Variants in ZNF488 observed in about 807,000 individuals in gnomAD.
ZNF488 encodes the protein zinc finger protein 488.
Under a neutral mutation model 1.2 loss-of-function variants are expected in ZNF488, and 1 was observed. The ratio of observed to expected loss-of-function variants is 0.86; its 90% confidence interval spans 0.30 to 4.07. ZNF488 has a LOEUF of 4.07. Ranked by LOEUF, ZNF488 falls within the 30% of genes most tolerant of loss-of-function variation. ZNF488 has a pLI of 0.18. For missense variants in ZNF488, 450 were observed against 437.9 expected (o/e 1.03, Z -0.25); for synonymous variants, 185 against 190.1 (o/e 0.97, Z 0.22).
chr10:47,379,934 G>T (rs887593021), intron 1 of ZNF488, among the ~76,000 whole-genome samples: 2 of 152,278 alleles, frequency 1.3e-5, no homozygotes, highest in Non-Finnish European at 2.9e-5. Context: ...GCTTTCCTCC[G>T]GGAACCTGCC....
At chr10:47,373,116 C>T (rs1287820046) in intron 1 of ZNF488, among the ~76,000 whole-genome samples, 3 of 152,180 alleles carry the variant, frequency 2.0e-5, no homozygotes, top group Non-Finnish European at 4.4e-5. Context: ...CTCAGCCACC[C>T]TCACAGAGTC....
At chr10:47,375,861 G>A (rs1555214353) in intron 1 of ZNF488, among the ~76,000 whole-genome samples, 2 of 152,184 alleles carry the variant, frequency 1.3e-5, no homozygotes, top group African/African-American at 2.4e-5. Flanking sequence ...TCCTGGAAGA[G>A]GCAGGAGGCC....
chr10:47,383,954 CAG>C (rs1339307141), intron 1 of ZNF488, among the ~76,000 whole-genome samples: 1 of 151,596 alleles, frequency 6.6e-6, no homozygotes, highest in Non-Finnish European at 1.5e-5. Flanking sequence ...GAGACTGACA[CAG>C]AAGAAAATGA....
At chr10:47,375,923 C>A (rs1157413345) in intron 1 of ZNF488, among the ~76,000 whole-genome samples, 1 of 152,156 alleles carries the variant, frequency 6.6e-6, no homozygotes, top group African/African-American at 2.4e-5. Flanking sequence ...GAACGGCACA[C>A]GCGAATGCCA....
intron 1 of ZNF488, among the ~76,000 whole-genome samples, chr10:47,371,818 T>C (rs565750627): frequency 6.6e-6 from 1 of 151,850 alleles, no homozygotes; most frequent in South Asian, 2.1e-4. Flanking sequence ...AAAAGAGGAG[T>C]CCTAGCCCCC....
Position 47,368,078 on chromosome 10 carries a change from G to C in ZNF488, c.752C>G (p.Pro251Arg). The change falls in exon 2 of 2, where the codon CCC becomes CGC. Residue 251 changes from proline (P) to arginine (R), a missense_variant. Physicochemically the swap from Pro to Arg is moderately radical, Grantham distance 103. Coordinates refer to ENST00000585316, the MANE Select transcript of ZNF488 (RefSeq NM_153034.4). Reference protein sequence around the residue: ...LEHTQAQVPPPSSSSTTSWAL... With the variant: ...LEHTQAQVPPRSSSSTTSWAL... Reference sequence around the variant, plus strand: ...CCACGAAGTGGTGGAGGATGATGAGGGTGGGGGCACCTGGGCCTGGGTATG... The same window carrying C: ...CCACGAAGTGGTGGAGGATGATGAGCGTGGGGGCACCTGGGCCTGGGTATG... The C allele has an allele frequency of 6.2e-7, 1 of 1,614,196 alleles. No homozygotes were observed. The highest frequency in any genetic ancestry group is 8.5e-7 in the Non-Finnish European group (1 of 1,180,032).
At chr10:47,376,532 G>A (rs1837688050) in intron 1 of ZNF488, among the ~76,000 whole-genome samples, 1 of 152,144 alleles carries the variant, frequency 6.6e-6, no homozygotes. Flanking sequence ...CCAGCTCTTT[G>A]CTCTGAAGAG....
chr10:47,376,431 G>A lies in ZNF488; in HGVS notation c.-108-7494C>T, dbSNP rs570892415. Among the ~76,000 whole-genome samples, 29 of 152,282 alleles carry A rather than the reference G, an allele frequency of 1.9e-4. No individual in the cohort carries two copies. The South Asian group carries it at 5.8e-3, about 30-fold the overall frequency. On this transcript the variant is annotated intron_variant, in intron 1 of 1. Coordinates refer to ENST00000585316, the MANE Select transcript of ZNF488 (RefSeq NM_153034.4). ...AACGACCACTTTTCATTCACACTAAGCCAGGTCAGACCCAATTGTGAAATT... is the reference window on the plus strand; with the variant it reads ...AACGACCACTTTTCATTCACACTAAACCAGGTCAGACCCAATTGTGAAATT...
chr10:47,383,737 A>C (rs754687554), intron 1 of ZNF488, among the ~76,000 whole-genome samples: 6 of 152,204 alleles, frequency 3.9e-5, no homozygotes, highest in Admixed American at 6.5e-5. Context: ...TTCTTACCCT[A>C]CTGCCCAGCG....
intron 1 of ZNF488, among the ~76,000 whole-genome samples, chr10:47,372,646 G>T (rs1837520988): frequency 6.6e-6 from 1 of 152,110 alleles, no homozygotes; most frequent in Non-Finnish European, 1.5e-5. Flanking sequence ...ATTCCTCCAG[G>T]GCTCTCTGTC....
chr10:47,372,957 C>T (rs1169319659), intron 1 of ZNF488, among the ~76,000 whole-genome samples: 4 of 152,158 alleles, frequency 2.6e-5, no homozygotes, highest in Non-Finnish European at 5.9e-5. Flanking sequence ...GAATCAGGCA[C>T]CTCCTGCCGG....
At position 47,369,894 on chromosome 10, in the gene ZNF488, T is replaced by C; in HGVS notation, c.-108-957A>G. Reference sequence around the variant, plus strand: ...TTGTGGTCTGCTAGAAGGCAAACTCTAAGAACCCAAATATGTCAATTCACC... The same window carrying C: ...TTGTGGTCTGCTAGAAGGCAAACTCCAAGAACCCAAATATGTCAATTCACC... On this transcript the variant is annotated intron_variant, in intron 1 of 1. Coordinates refer to ENST00000585316, the MANE Select transcript of ZNF488 (RefSeq NM_153034.4). 2.0e-5 allele frequency among the ~76,000 whole-genome samples: 3 copies of C among 152,344 alleles called. No individual in the cohort carries two copies. In the East Asian group the frequency reaches 5.8e-4, roughly 29 times the overall value.
In ZNF488 at chr10:47,367,577, G is replaced by T. The variant is rs1350497247; in HGVS notation, c.*230C>A. 2.5e-5 allele frequency: 15 copies of T among 594,782 alleles called. No homozygotes were observed. Among genetic ancestry groups the T allele is most frequent in the Non-Finnish European group, 4.2e-5 (14 of 335,218 alleles). 36.8% of individuals were successfully genotyped at this position (594,782 alleles called of 1,614,324 possible). ...GCCCCTGCTCTCTGTGCCTGTTAGG[G>T]CCTCTACCCTGGATTTGCAAAGCCC... is the stretch of plus-strand genomic sequence containing the variant. On this transcript the variant is annotated 3_prime_UTR_variant, in exon 2 of 2. Transcript: ENST00000585316.
intron 1 of ZNF488, among the ~76,000 whole-genome samples, chr10:47,377,666 A>ATCAC (rs1164374941): frequency 6.4e-5 from 5 of 77,624 alleles, no homozygotes; most frequent in Non-Finnish European, 1.1e-4. Flanking sequence ...AGCCAGCAAT[A>ATCAC]ACAATCACAC....
intron 1 of ZNF488, among the ~76,000 whole-genome samples, chr10:47,372,981 T>C (rs1339961390): frequency 1.3e-5 from 2 of 152,116 alleles, no homozygotes; most frequent in African/African-American, 4.8e-5. Context: ...TTGACACAGA[T>C]GTGAGGAAGG....
chr10:47,370,786 T>C (rs782610051), intron 1 of ZNF488, among the ~76,000 whole-genome samples: 8 of 152,132 alleles, frequency 5.3e-5, no homozygotes, highest in African/African-American at 9.7e-5. Context: ...AAAAAGATTA[T>C]AGATTTGGTG....
intron 1 of ZNF488, among the ~76,000 whole-genome samples, chr10:47,377,617 C>T (rs1372834982): frequency 3.9e-4 from 58 of 149,820 alleles, no homozygotes; most frequent in African/African-American, 1.3e-3. Flanking sequence ...CACACACACA[C>T]ACACACACAC....
At chr10:47,381,735 G>A (rs899335088) in intron 1 of ZNF488, among the ~76,000 whole-genome samples, 3 of 151,334 alleles carry the variant, frequency 2.0e-5, no homozygotes, top group African/African-American at 7.4e-5. Context: ...CCTCATAGGG[G>A]TGGATGTGAT....
chr10:47,382,895 T>C (rs1260315328), intron 1 of ZNF488, among the ~76,000 whole-genome samples: 1 of 152,240 alleles, frequency 6.6e-6, no homozygotes, highest in Non-Finnish European at 1.5e-5. Flanking sequence ...TCAACCTTTA[T>C]TGGTAATTAA....
Sources: gnomAD v4.1 joint callset for allele counts (sites outside exome capture counted in the v4.1 genomes callset) on GRCh38, gnomAD v4.1.1 for gene constraint, MANE v1.5 for transcripts, NCBI Gene and HGNC (gene_info 2026-07-23, HGNC 2026-07-21) for gene names.